CTTNBP2: variants seen among roughly 807,000 people sequenced by gnomAD.
The protein encoded by CTTNBP2 is cortactin binding protein 2.
Under a neutral mutation model 156.9 loss-of-function variants are expected in CTTNBP2, and 108 were observed. That is an observed-to-expected ratio of 0.69 (90% CI 0.59 to 0.81). The LOEUF is 0.81. CTTNBP2 is among the 30% of genes least tolerant of loss of function. CTTNBP2 has a pLI of 0.00. For synonymous variants in CTTNBP2, 767 were observed against 751.8 expected, an observed-to-expected ratio of 1.02 and a Z score of -0.33; for missense variants, 1,924 against 2,035.4, an observed-to-expected ratio of 0.95 and a Z score of 1.05.
chr7:117,791,227 C>CA lies in CTTNBP2; in HGVS notation c.1968dup (p.Val657CysfsTer16). The CA allele has an allele frequency of 1.2e-6, 2 of 1,614,144 alleles. No individual in the cohort carries two copies. Among genetic ancestry groups the CA allele is most frequent in the Non-Finnish European group, 1.7e-6 (2 of 1,180,028 alleles). ...CAAAAGGCAATGGTGGTAGGAATGA[C>CA]AAGGGAACTGTCTGAACATGCAGGT... is the stretch of plus-strand genomic sequence containing the variant. On this transcript the variant is annotated frameshift_variant, in exon 4 of 23. Coordinates refer to ENST00000160373, the MANE Select transcript of CTTNBP2 (RefSeq NM_033427.3). LOFTEE classifies it high-confidence loss of function.
At position 117,792,856 on chromosome 7, in the gene CTTNBP2, A is replaced by T; in HGVS notation, c.415-75T>A. 9.5e-7 allele frequency: 1 copy of T among 1,048,012 alleles called. No individual in the cohort carries two copies. Among genetic ancestry groups the T allele is most frequent in the Non-Finnish European group, 1.3e-6 (1 of 774,454 alleles). 64.9% of individuals were successfully genotyped at this position (1,048,012 alleles called of 1,614,324 possible). ...TCACCAAGGAAATGCTTTTTGTGAG[A>T]TTTTTATTAATTTTCTAACAATTAC... On this transcript the variant is annotated intron_variant, in intron 3 of 22. Coordinates refer to ENST00000160373, the MANE Select transcript of CTTNBP2 (RefSeq NM_033427.3). This position sits in a 1 kb window ranked among gnomAD's most constrained non-coding sequence, Gnocchi z 4.2.
At chr7:117,757,284 T>C (rs1168642360) in intron 11 of CTTNBP2, among the ~76,000 whole-genome samples, 6 of 152,166 alleles carry the variant, frequency 3.9e-5, no homozygotes, top group African/African-American at 1.4e-4. Flanking sequence ...GGCTGAGAAA[T>C]TGAGTATTCC....
chr7:117,760,662 C>T lies in CTTNBP2; in HGVS notation c.2945G>A (p.Ser982Asn). 6.2e-7 allele frequency: 1 copy of T among 1,612,556 alleles called. No homozygotes were observed. Among genetic ancestry groups the T allele is most frequent in the Non-Finnish European group, 8.5e-7 (1 of 1,178,774 alleles). ...LRISVGEIEP[S>N]NYGSDDLECE... ...TTCCAAGTCATCAGAACCATAGTTGCTTGGTTCAATCTCACCCACTGAAAT... is the reference window on the plus strand; with the variant it reads ...TTCCAAGTCATCAGAACCATAGTTGTTTGGTTCAATCTCACCCACTGAAAT... Residue 982 changes from serine (S) to asparagine (N), a missense_variant, in exon 10 of 23, where the codon AGC (serine) becomes AAC (asparagine). Transcript: ENST00000160373.
chr7:117,794,729 A>G (rs2116879669), intron 3 of CTTNBP2, among the ~76,000 whole-genome samples: 1 of 152,324 alleles, frequency 6.6e-6, no homozygotes, highest in East Asian at 1.9e-4. Flanking sequence ...GTGTCCCATA[A>G]ATAGATAATC....
At chr7:117,727,054 A>G (rs376607764) in intron 17 of CTTNBP2, among the ~76,000 whole-genome samples, 151 of 152,362 alleles carry the variant, frequency 9.9e-4, no homozygotes, top group African/African-American at 3.4e-3. Flanking sequence ...TTTAACTGAC[A>G]TAATAATGAA....
At position 117,782,985 on chromosome 7, in the gene CTTNBP2, T is replaced by C. The variant is rs760344403; in HGVS notation, c.2273-24A>G. ...GTCTATGGATTTTAATAGAAAGCCA[T>C]GTAAATTCCCCATTTGGAGTTATGA... is the stretch of plus-strand genomic sequence containing the variant. On this transcript the variant is annotated intron_variant, in intron 5 of 22. Transcript: ENST00000160373. 8.3e-6 allele frequency: 13 copies of C among 1,568,286 alleles called. No individual in the cohort carries two copies. In the Admixed American group the frequency reaches 8.6e-5, roughly 10 times the overall value.
chr7:117,867,454 T>A (rs1395048984), intron 1 of CTTNBP2, among the ~76,000 whole-genome samples: 1 of 152,162 alleles, frequency 6.6e-6, no homozygotes, highest in African/African-American at 2.4e-5. Flanking sequence ...ATTATCTCTA[T>A]TAACTCTATT....
At chr7:117,756,784 TC>T (rs1173981585) in intron 11 of CTTNBP2, 150 bp from the exon 12 acceptor site, 1 of 658,128 alleles carries the variant, frequency 1.5e-6, no homozygotes, top group African/African-American at 1.8e-5. Flanking sequence ...AATGTGCCTT[TC>T]TGTTGTGAAA....
chr7:117,766,424 T>G (rs1024993026), intron 9 of CTTNBP2, among the ~76,000 whole-genome samples: 1 of 152,238 alleles, frequency 6.6e-6, no homozygotes, highest in African/African-American at 2.4e-5. Context: ...ATGTATTAGG[T>G]TGAAGATAAA....
At chr7:117,842,146 C>T (rs1802311968) in intron 2 of CTTNBP2, among the ~76,000 whole-genome samples, 1 of 152,208 alleles carries the variant, frequency 6.6e-6, no homozygotes, top group Non-Finnish European at 1.5e-5. Flanking sequence ...GAGGGGGACA[C>T]ATGAGAACCC....
At chr7:117,744,104 A>G (rs1173721504) in intron 14 of CTTNBP2, among the ~76,000 whole-genome samples, 1 of 152,150 alleles carries the variant, frequency 6.6e-6, no homozygotes, top group Non-Finnish European at 1.5e-5. Context: ...GATGTGAAAT[A>G]ATCACATCAT....
In CTTNBP2 at chr7:117,810,899, C is replaced by G. The variant is rs772057634; in HGVS notation, c.280G>C (p.Gly94Arg). 3 of 1,614,124 alleles carry G rather than the reference C, an allele frequency of 1.9e-6. No homozygotes were observed. Among genetic ancestry groups the G allele is most frequent in the South Asian group, 1.1e-5 (1 of 91,080 alleles). Reference protein sequence around the residue: ...FLALQRDYEAGAGDKEKKPVC... With the variant: ...FLALQRDYEARAGDKEKKPVC... ...GGCTTCTTCTCTTTGTCACCAGCACCTGCTTCATAGTCTCTCTGGAGTGCC... is the reference window on the plus strand; with the variant it reads ...GGCTTCTTCTCTTTGTCACCAGCACGTGCTTCATAGTCTCTCTGGAGTGCC... Residue 94 changes from glycine to arginine, a missense_variant, in exon 3 of 23, where the codon GGT (glycine) becomes CGT (arginine). Physicochemically the swap from Gly to Arg is moderately radical, Grantham distance 125 (BLOSUM62 -2). Coordinates refer to ENST00000160373, the MANE Select transcript of CTTNBP2 (RefSeq NM_033427.3).
chr7:117,815,018 G>A (rs138522844), intron 2 of CTTNBP2, among the ~76,000 whole-genome samples: 12 of 152,170 alleles, frequency 7.9e-5, no homozygotes, highest in South Asian at 4.1e-4. Flanking sequence ...CAAAGACCAC[G>A]TGTTCTTCAT....
chr7:117,748,536 A>G lies in CTTNBP2; in HGVS notation c.3349-2437T>C, dbSNP rs539724942. On this transcript the variant is annotated intron_variant, in intron 12 of 22. Coordinates refer to ENST00000160373, the MANE Select transcript of CTTNBP2 (RefSeq NM_033427.3). Reference sequence around the variant, plus strand: ...CTTTTGCATTGAGAGAGCTCAAGTTAGTCTTGCACAACACGCAAAATATTC... The same window carrying G: ...CTTTTGCATTGAGAGAGCTCAAGTTGGTCTTGCACAACACGCAAAATATTC... Among the ~76,000 whole-genome samples the G allele has an allele frequency of 5.9e-5, 9 of 152,304 alleles. No homozygotes were observed. In the South Asian group the frequency reaches 1.9e-3, roughly 32 times the overall value.
intron 1 of CTTNBP2, among the ~76,000 whole-genome samples, chr7:117,870,370 A>C (rs913132392): frequency 6.6e-6 from 1 of 152,242 alleles, no homozygotes; most frequent in Non-Finnish European, 1.5e-5. Flanking sequence ...CGCTTAGCGC[A>C]ATTGGCTACG....
At chr7:117,777,448 C>G in intron 8 of CTTNBP2, 63 bp downstream of exon 8, 1 of 1,542,522 alleles carries the variant, frequency 6.5e-7, no homozygotes, top group East Asian at 2.3e-5. Context: ...TAATCTATAG[C>G]AGACAACTTT....
At chr7:117,872,967 G>T (rs950453400) in intron 1 of CTTNBP2, among the ~76,000 whole-genome samples, 1 of 152,088 alleles carries the variant, frequency 6.6e-6, no homozygotes, top group Non-Finnish European at 1.5e-5. Context: ...AACAATGGGG[G>T]GTCAAATTCG....
rs1324286923 is a variant in CTTNBP2, at chr7:117,726,976, T to A, written c.4055+1113A>T. Among the ~76,000 whole-genome samples the A allele has an allele frequency of 3.3e-5, 5 of 152,126 alleles. No individual in the cohort carries two copies. In the East Asian group the frequency reaches 9.6e-4, roughly 29 times the overall value. On this transcript the variant is annotated intron_variant, in intron 17 of 22. Coordinates refer to ENST00000160373, the MANE Select transcript of CTTNBP2 (RefSeq NM_033427.3). ...TCCATAATTCTTGACAAAGACTATA[T>A]TCCATATAGGAGAGGTCAAAAATGA...
At chr7:117,835,308 T>C (rs1801861090) in intron 2 of CTTNBP2, among the ~76,000 whole-genome samples, 3 of 152,214 alleles carry the variant, frequency 2.0e-5, no homozygotes, top group Admixed American at 2.0e-4. Context: ...AAAGCTGACA[T>C]CTTATATGTT....
Sources: gnomAD v4.1 joint callset for allele counts (sites outside exome capture counted in the v4.1 genomes callset) on GRCh38, gnomAD v4.1.1 for gene constraint, Gnocchi (gnomAD v3.1) non-coding constraint, MANE v1.5 for transcripts, NCBI Gene and HGNC (gene_info 2026-07-23, HGNC 2026-07-21) for gene names.